Variants in TRMT1 observed in about 807,000 individuals in gnomAD.
TRMT1 encodes the protein tRNA methyltransferase 1.
In TRMT1, 63 loss-of-function variants were observed where a neutral mutation model predicts 75.4. The ratio of observed to expected loss-of-function variants is 0.84; its 90% CI spans 0.68 to 1.03. The LOEUF (loss-of-function observed/expected upper bound fraction) is 1.03, where lower values mean the gene tolerates loss of function less well. Ranked by LOEUF, TRMT1 falls within the 50% of genes least tolerant of loss-of-function variation. The probability of loss-of-function intolerance (pLI) is 0.00; values close to 1 mark genes in which losing one functional copy is unlikely to be tolerated. For synonymous variants in TRMT1, 382 were observed against 358.1 expected (o/e 1.07, Z -0.75); for missense variants, 870 against 905.3 (o/e 0.96, Z 0.50).
chr19:13,113,697 C>T (rs2019227681), intron 5 of TRMT1, among the ~76,000 whole-genome samples: 1 of 152,070 alleles, frequency 6.6e-6, no homozygotes. Context: ...GCAACTTCCA[C>T]CTCCTGGGTT....
rs778151722 is a variant in TRMT1 at position 13,115,605 on chromosome 19, G to A, written c.453+21C>T. 1.4e-5 allele frequency: 22 copies of A among 1,612,924 alleles called. No homozygotes were observed. In the East Asian group the frequency reaches 4.9e-4, roughly 36 times the overall value. Reference sequence around the variant, plus strand: ...CTCCCGCTAAATTCCAGGGCTGCCAGCTCCTATGCTCAGGCCCCACCTCAC... The same window carrying A: ...CTCCCGCTAAATTCCAGGGCTGCCAACTCCTATGCTCAGGCCCCACCTCAC... On this transcript the variant is annotated intron_variant, in intron 4 of 16. Coordinates refer to ENST00000357720, the MANE Select transcript of TRMT1 (RefSeq NM_001136035.4).
chr19:13,114,990 A>G (rs978750698), intron 5 of TRMT1, among the ~76,000 whole-genome samples: 1 of 152,232 alleles, frequency 6.6e-6, no homozygotes, highest in African/African-American at 2.4e-5. Flanking sequence ...CACATAGCAG[A>G]CACTGGATAT....
intron 5 of TRMT1, among the ~76,000 whole-genome samples, chr19:13,114,829 G>A (rs756776575): frequency 1.3e-5 from 2 of 152,146 alleles, no homozygotes; most frequent in East Asian, 1.9e-4. Flanking sequence ...CAACAAGGGC[G>A]AGACTACATC....
chr19:13,108,298 A>G (rs1402162189), intron 12 of TRMT1, among the ~76,000 whole-genome samples: 3 of 70,996 alleles, frequency 4.2e-5, no homozygotes, highest in Non-Finnish European at 9.1e-5. Context: ...CTTCTTATTT[A>G]TTATTTTTTT....
At chr19:13,111,992 C>T (rs1379861211) in intron 7 of TRMT1, among the ~76,000 whole-genome samples, 1 of 151,982 alleles carries the variant, frequency 6.6e-6, no homozygotes, top group Non-Finnish European at 1.5e-5. Flanking sequence ...AGCTACCACG[C>T]CCGGCCTATT....
chr19:13,112,907 A>T lies in TRMT1; in HGVS notation c.746T>A (p.Val249Glu). ...ATFLDAAVQAVSEGGLLCVTC... is the reference protein window; with the variant it reads ...ATFLDAAVQAESEGGLLCVTC... ...CATCCCCACCTCACCTCCTTCACTC[A>T]CAGCCTGCACAGCTGCATCCAGGAA... is the stretch of plus-strand genomic sequence containing the variant. Residue 249 changes from valine to glutamate, a missense_variant, in exon 6 of 17, where the codon GTG becomes GAG. Transcript: ENST00000357720. The T allele has an allele frequency of 6.2e-7, 1 of 1,613,104 alleles. No homozygotes were observed. Among genetic ancestry groups the T allele is most frequent in the South Asian group, 1.1e-5 (1 of 90,892 alleles).
Position 13,115,926 on chromosome 19 carries a change from G to A in TRMT1, c.310+71C>T, listed in dbSNP as rs745743212. On this transcript the variant is annotated intron_variant, in intron 3 of 16. Transcript: ENST00000357720. Reference sequence around the variant, plus strand: ...GGCTGAAGCCCCTCTGGATTTGGGCGGCAGAAGAGCCCAGGCAGGGAGATA... The same window carrying A: ...GGCTGAAGCCCCTCTGGATTTGGGCAGCAGAAGAGCCCAGGCAGGGAGATA... 3.7e-6 allele frequency: 6 copies of A among 1,611,844 alleles called. No homozygotes were observed. The African/African-American group carries it at 4.0e-5, about 11-fold the overall frequency.
chr19:13,110,383 A>T (rs1487521228), intron 7 of TRMT1, 77 bp from the exon 8 acceptor site: 1 of 1,473,400 alleles, frequency 6.8e-7, no homozygotes, highest in African/African-American at 1.4e-5. Context: ...GGTACTCACA[A>T]GTACAGGCTC....
At position 13,105,468 on chromosome 19, in the gene TRMT1, C is replaced by G. The variant is rs1376878107; in HGVS notation, c.1703+19G>C. ...TTCTTTCCCTGGCTGAGCCCCACCC[C>G]CACCTTACCACCACTCACCCTGGCC... On this transcript the variant is annotated intron_variant, in intron 15 of 16. Coordinates refer to ENST00000357720, the MANE Select transcript of TRMT1 (RefSeq NM_001136035.4). The G allele has an allele frequency of 6.2e-7, 1 of 1,614,016 alleles. No individual in the cohort carries two copies. The highest frequency in any genetic ancestry group is 8.5e-7 in the Non-Finnish European group (1 of 1,180,028).
chr19:13,105,696 C>T, intron 14 of TRMT1, 90 bp from the exon 15 acceptor site: 2 of 1,288,340 alleles, frequency 1.6e-6, no homozygotes, highest in Non-Finnish European at 2.2e-6. Flanking sequence ...GCCTCCACAA[C>T]ACAGCACGAG....
intron 5 of TRMT1, among the ~76,000 whole-genome samples, chr19:13,113,625 T>C (rs1164363907): frequency 6.6e-6 from 1 of 152,102 alleles, no homozygotes; most frequent in Non-Finnish European, 1.5e-5. Flanking sequence ...TTTCCTTTCT[T>C]TGGAGACAGA....
At position 13,112,734 on chromosome 19, in the gene TRMT1, C is replaced by T; in HGVS notation, c.841G>A (p.Ala281Thr). Residue 281 changes from alanine to threonine, a missense_variant, in exon 7 of 17, where the codon GCC (alanine) becomes ACC (threonine). Coordinates refer to ENST00000357720, the MANE Select transcript of TRMT1 (RefSeq NM_001136035.4). ...ETCYSKYGAM[A>T]LKSRACHEMA... ...TCGTGGCAGGCCCGGCTCTTGAGGG[C>T]CATGGCCCCGTACTTGCTGTAGCAC... 6.2e-7 allele frequency: 1 copy of T among 1,613,194 alleles called. No homozygotes were observed. The highest frequency in any genetic ancestry group is 8.5e-7 in the Non-Finnish European group (1 of 1,179,998).
Position 13,104,983 on chromosome 19 carries a change from G to C in TRMT1, c.1932C>G (p.Asn644Lys). ...CAGCCCCAGGTCCAGGGGGGGTCTG[G>C]TTGGAGGTCTCTGGACAGTCAGGGG... ...DAAPDCPETS[N>K]QTPPGPGAAA... The change falls in exon 17 of 17, where the codon AAC (asparagine) becomes AAG (lysine). Residue 644 changes from asparagine to lysine, a missense_variant. Physicochemically the swap from Asn to Lys is moderately conservative, Grantham distance 94. Transcript: ENST00000357720. 1 of 1,613,840 alleles carries C rather than the reference G, an allele frequency of 6.2e-7. No individual in the cohort carries two copies. The highest frequency in any genetic ancestry group is 2.2e-5 in the East Asian group (1 of 44,882).
At position 13,111,519 on chromosome 19, in the gene TRMT1, G is replaced by C. The variant is rs58050596; in HGVS notation, c.870+1186C>G. On this transcript the variant is annotated intron_variant, in intron 7 of 16. Transcript: ENST00000357720. ...CTGCCTCAGCCTCCCGAATAGCTGG[G>C]ATTACAAGCACCCACCACCACGCCC... Among the ~76,000 whole-genome samples, 599 of 150,436 alleles carry C rather than the reference G, an allele frequency of 4.0e-3. 3 individuals are homozygous for C. Among genetic ancestry groups the C allele is most frequent in the African/African-American group, 0.013 (550 of 40,882 alleles).
Position 13,105,622 on chromosome 19 carries a change from T to C in TRMT1, c.1584-16A>G, listed in dbSNP as rs1200576641. 6.3e-7 allele frequency: 1 copy of C among 1,587,774 alleles called. No individual in the cohort carries two copies. The highest frequency in any genetic ancestry group is 1.7e-5 in the Admixed American group (1 of 59,378). On this transcript the variant is annotated splice_polypyrimidine_tract_variant and intron_variant, in intron 14 of 16. Transcript: ENST00000357720. ...GGCCTGCAGCCTAGGGAAGCAGGGGTGGGGCGTTGGGGCTGGGGGAAGCTG... is the reference window on the plus strand; with the variant it reads ...GGCCTGCAGCCTAGGGAAGCAGGGGCGGGGCGTTGGGGCTGGGGGAAGCTG...
intron 14 of TRMT1, among the ~76,000 whole-genome samples, chr19:13,107,102 C>T (rs963283036): frequency 2.7e-5 from 4 of 150,100 alleles, no homozygotes; most frequent in African/African-American, 9.9e-5. Flanking sequence ...TCCCAAAGTG[C>T]TGGGACTACA....
At chr19:13,111,027 TC>T (rs1256744706) in intron 7 of TRMT1, among the ~76,000 whole-genome samples, 1 of 152,172 alleles carries the variant, frequency 6.6e-6, no homozygotes, top group Admixed American at 6.5e-5. Flanking sequence ...AGACAGCATT[TC>T]CCGGGCTGAC....
chr19:13,108,750 C>T (rs1189995001), intron 12 of TRMT1, among the ~76,000 whole-genome samples: 1 of 151,732 alleles, frequency 6.6e-6, no homozygotes, highest in East Asian at 1.9e-4. Flanking sequence ...GCTGGGACTA[C>T]AGGCATGTGC....
rs2018810945 is a variant in TRMT1 at position 13,105,369 on chromosome 19, C to T, written c.1731G>A (p.Glu577=). ...PGGKAADEAM[E]ERRRLLQNKR... ...TGTTCTGAAGCAGCCTGCGTCTCTC[C>T]TCCATAGCTTCGTCGGCCGCCTTGC... Residue 577 remains glutamate, a synonymous_variant, in exon 16 of 17, where the codon GAG becomes GAA. Transcript: ENST00000357720. 6.2e-7 allele frequency: 1 copy of T among 1,613,888 alleles called. No homozygotes were observed. The highest frequency in any genetic ancestry group is 8.5e-7 in the Non-Finnish European group (1 of 1,180,028).
Sources: gnomAD v4.1 joint callset for allele counts (sites outside exome capture counted in the v4.1 genomes callset) on GRCh38, gnomAD v4.1.1 for gene constraint, MANE v1.5 for transcripts, NCBI Gene and HGNC (gene_info 2026-07-23, HGNC 2026-07-21) for gene names.